Variants in OR1J2 observed in about 807,000 individuals in gnomAD.
OR1J2 encodes the protein olfactory receptor 1J2.
For synonymous variants in OR1J2, 142 were observed against 99.7 expected (o/e 1.42, Z -2.52); for missense variants, 304 against 246.1 (o/e 1.24, Z -1.57).
chr9:122,543,747 C>A, the OR1J2 span, among the ~76,000 whole-genome samples: 2 of 152,150 alleles, frequency 1.3e-5, no homozygotes, highest in African/African-American at 4.8e-5. Context: ...GTCTAACACT[C>A]AACATCAACA....
At chr9:122,473,993 C>T in the OR1J2 span, among the ~76,000 whole-genome samples, 2 of 152,254 alleles carry the variant, frequency 1.3e-5, no homozygotes, top group Non-Finnish European at 2.9e-5. Flanking sequence ...ATGTTGTACC[C>T]AGGTTAACTC....
the OR1J2 span, among the ~76,000 whole-genome samples, chr9:122,576,068 CTTCT>C: frequency 6.6e-6 from 1 of 152,146 alleles, no homozygotes; most frequent in Non-Finnish European, 1.5e-5. Flanking sequence ...GAAAGATCTA[CTTCT>C]TTAAGTCTTA....
chr9:122,452,889 G>A, the OR1J2 span, among the ~76,000 whole-genome samples: 2 of 152,052 alleles, frequency 1.3e-5, no homozygotes, highest in African/African-American at 4.8e-5. Flanking sequence ...TTAGCTGGGT[G>A]TGGTGGCGCA....
the OR1J2 span, among the ~76,000 whole-genome samples, chr9:122,486,698 A>G: frequency 6.6e-6 from 1 of 152,204 alleles, no homozygotes; most frequent in African/African-American, 2.4e-5. Flanking sequence ...CATCTAACCA[A>G]TTGGAAAGTA....
chr9:122,547,252 G>A, the OR1J2 span, among the ~76,000 whole-genome samples: 3 of 151,844 alleles, frequency 2.0e-5, no homozygotes, highest in African/African-American at 7.3e-5. Flanking sequence ...CAGCGAAAAG[G>A]GCAAATATAT....
At chr9:122,571,485 G>A in the OR1J2 span, among the ~76,000 whole-genome samples, 1 of 151,454 alleles carries the variant, frequency 6.6e-6, no homozygotes, top group African/African-American at 2.4e-5. Flanking sequence ...AGGAGACGGA[G>A]GTTGCAGTGA....
the OR1J2 span, among the ~76,000 whole-genome samples, chr9:122,491,955 A>G: frequency 6.6e-6 from 1 of 152,086 alleles, no homozygotes; most frequent in Non-Finnish European, 1.5e-5. Flanking sequence ...AATGGGTAGG[A>G]TAAAAAAGAG....
chr9:122,503,255 T>C, the OR1J2 span, among the ~76,000 whole-genome samples: 1 of 152,140 alleles, frequency 6.6e-6, no homozygotes, highest in Non-Finnish European at 1.5e-5. Flanking sequence ...TATCTGAAAA[T>C]CCCAGTGAAC....
the OR1J2 span, among the ~76,000 whole-genome samples, chr9:122,569,818 A>G: frequency 2.0e-5 from 3 of 151,968 alleles, no homozygotes; most frequent in Non-Finnish European, 2.9e-5. Context: ...TCCTAAAGCT[A>G]TCCCTCCCCC....
At chr9:122,503,905 A>G in the OR1J2 span, among the ~76,000 whole-genome samples, 1 of 152,184 alleles carries the variant, frequency 6.6e-6, no homozygotes, top group African/African-American at 2.4e-5. Context: ...AACAGAAGTC[A>G]ATTTTTAGCT....
At chr9:122,579,369 A>G in the OR1J2 span, among the ~76,000 whole-genome samples, 1 of 152,130 alleles carries the variant, frequency 6.6e-6, no homozygotes, top group Non-Finnish European at 1.5e-5. Context: ...ATTTTGCACT[A>G]ACTTTTTAAG....
chr9:122,569,797 T>C, the OR1J2 span, among the ~76,000 whole-genome samples: 1 of 152,148 alleles, frequency 6.6e-6, no homozygotes, highest in Non-Finnish European at 1.5e-5. Context: ...TCATTTAGCA[T>C]TAGATATATC....
chr9:122,548,887 G>C, the OR1J2 span, among the ~76,000 whole-genome samples: 1 of 151,750 alleles, frequency 6.6e-6, no homozygotes, highest in Admixed American at 6.6e-5. Flanking sequence ...CAGATGCATA[G>C]TTGGCAAATA....
the OR1J2 span, chr9:122,519,157 A>T: frequency 1.5e-4 from 240 of 1,603,562 alleles, 1 homozygote; most frequent in African/African-American, 2.8e-3. Context: ...AGGGAGAATC[A>T]GAGCAGTGTG....
At chr9:122,451,350 T>G in the OR1J2 span, among the ~76,000 whole-genome samples, 1 of 151,924 alleles carries the variant, frequency 6.6e-6, no homozygotes. Context: ...CAAGCCCAGC[T>G]AATTTTGTAT....
chr9:122,529,095 T>C, the OR1J2 span, among the ~76,000 whole-genome samples: 3 of 152,362 alleles, frequency 2.0e-5, no homozygotes, highest in Admixed American at 2.0e-4. Context: ...TATCTATCCC[T>C]GAACCCTACA....
At chr9:122,557,611 G>C in the OR1J2 span, among the ~76,000 whole-genome samples, 2 of 151,974 alleles carry the variant, frequency 1.3e-5, no homozygotes, top group African/African-American at 4.8e-5. Context: ...TATTTGCTAA[G>C]TACTTTATTA....
chr9:122,543,832 G>C, the OR1J2 span, among the ~76,000 whole-genome samples: 2 of 152,186 alleles, frequency 1.3e-5, no homozygotes, highest in Non-Finnish European at 2.9e-5. Context: ...ACATCACATG[G>C]AGTAGAGATG....
At chr9:122,496,154 G>C in the OR1J2 span, among the ~76,000 whole-genome samples, 1 of 152,178 alleles carries the variant, frequency 6.6e-6, no homozygotes, top group Non-Finnish European at 1.5e-5. Context: ...TGTTGGTTTT[G>C]TGTTGGTTGA....
Sources: allele counts gnomAD v4.1 joint callset (sites outside exome capture counted in the v4.1 genomes callset), GRCh38; gene constraint gnomAD v4.1.1; transcripts MANE v1.5; gene names NCBI Gene and HGNC (gene_info 2026-07-23, HGNC 2026-07-21).